Variants in SLC4A4 observed in about 807,000 individuals in gnomAD.
The protein encoded by SLC4A4 is solute carrier family 4 member 4.
SLC4A4 carries 27 observed loss-of-function variants against 111.5 expected under a neutral mutation model. That is an observed-to-expected ratio of 0.24 (90% CI 0.18 to 0.33). The LOEUF is 0.33. Ranked by LOEUF, SLC4A4 falls within the 10% of genes least tolerant of loss-of-function variation. The pLI is 1.00. For synonymous variants in SLC4A4, 443 were observed against 463.4 expected (o/e 0.96, Z 0.57); for missense variants, 909 against 1,315.5 (o/e 0.69, Z 4.78).
At chr4:71,326,360 TA>T in intron 3 of SLC4A4, among the ~76,000 whole-genome samples, 1 of 152,086 alleles carries the variant, frequency 6.6e-6, no homozygotes, top group Middle Eastern at 3.4e-3. Context: ...AGTTTGATCC[TA>T]ACTCTGCTAC....
rs2602061 is a variant in SLC4A4, at chr4:71,306,029, G to T, written c.254-33341G>T. ...ATAGTAGGCACTCAGTAGTGAATTG[G>T]ATACTGATTTGCAAGCTGGACTTGT... On this transcript the variant is annotated intron_variant, in intron 3 of 25. Transcript: ENST00000264485. 1.7e-4 allele frequency among the ~76,000 whole-genome samples: 26 copies of T among 152,306 alleles called. 1 individual carries two copies. The highest frequency in any genetic ancestry group is 4.6e-4 in the African/African-American group (19 of 41,574).
intron 2 of SLC4A4, among the ~76,000 whole-genome samples, chr4:71,097,502 T>C (rs1339322316): frequency 6.6e-6 from 1 of 152,204 alleles, no homozygotes; most frequent in Non-Finnish European, 1.5e-5. Flanking sequence ...TGTGTGTCTT[T>C]ATGGTAGAAT....
At chr4:71,392,684 T>C (rs1023505836) in intron 6 of SLC4A4, among the ~76,000 whole-genome samples, 1 of 152,016 alleles carries the variant, frequency 6.6e-6, no homozygotes, top group Non-Finnish European at 1.5e-5. Context: ...GTCACCCTAA[T>C]ACCCAAACCA....
chr4:71,437,304 A>G, intron 7 of SLC4A4: 1 of 364,994 alleles, frequency 2.7e-6, no homozygotes, highest in Non-Finnish European at 5.4e-6. Flanking sequence ...AGCCACTTCC[A>G]ATAACACGGT....
At chr4:71,511,439 T>A (rs1173599300) in intron 16 of SLC4A4, among the ~76,000 whole-genome samples, 11 of 152,118 alleles carry the variant, frequency 7.2e-5, no homozygotes, top group Non-Finnish European at 1.0e-4. Flanking sequence ...ATTTGTCTTT[T>A]ATTTTTCATT....
intron 3 of SLC4A4, among the ~76,000 whole-genome samples, chr4:71,299,149 G>A (rs1458032159): frequency 6.6e-6 from 1 of 152,142 alleles, no homozygotes; most frequent in Non-Finnish European, 1.5e-5. Context: ...TGCTATCCAT[G>A]AGGCAGAAAA....
chr4:71,317,061 G>GTT (rs1726744321), intron 3 of SLC4A4, among the ~76,000 whole-genome samples: 3 of 109,936 alleles, frequency 2.7e-5, no homozygotes, highest in Non-Finnish European at 5.6e-5. Flanking sequence ...CTGTAACAGG[G>GTT]TTGTGTGTGT....
intron 24 of SLC4A4, among the ~76,000 whole-genome samples, chr4:71,566,199 C>G (rs1024283082): frequency 6.6e-6 from 1 of 151,728 alleles, no homozygotes; most frequent in East Asian, 2.0e-4. Context: ...TTCTGCTAAC[C>G]CCTATTAATG....
intron 1 of SLC4A4, among the ~76,000 whole-genome samples, chr4:71,187,665 C>T (rs1332275146): frequency 1.1e-4 from 17 of 152,194 alleles, no homozygotes; most frequent in Non-Finnish European, 5.9e-5. Flanking sequence ...TTCTCCCTCA[C>T]TGCTAAGTCC....
rs1722460566 is a variant in SLC4A4 at position 71,268,413 on chromosome 4, C to A, written c.253+13014C>A. Among the ~76,000 whole-genome samples, 3 of 152,202 alleles carry A rather than the reference C, an allele frequency of 2.0e-5. No individual in the cohort carries two copies. The South Asian group carries it at 6.2e-4, about 31-fold the overall frequency. On this transcript the variant is annotated intron_variant, in intron 3 of 25. Transcript: ENST00000264485. ...AACCTCAGCCCTGCTTCTGCTCCCT[C>A]AATGTCGTCCATCCAAAATGACTTT...
In SLC4A4 at chr4:71,566,059, T is replaced by C. The variant is rs530267665; in HGVS notation, c.3197-945T>C. 2.0e-5 allele frequency among the ~76,000 whole-genome samples: 3 copies of C among 151,924 alleles called. No individual in the cohort carries two copies. In the East Asian group the frequency reaches 5.9e-4, roughly 30 times the overall value. Reference sequence around the variant, plus strand: ...GGAAGGAATTACACAAAGTCATAAATACCAGGAGACAGGATCACTGAGAGC... The same window carrying C: ...GGAAGGAATTACACAAAGTCATAAACACCAGGAGACAGGATCACTGAGAGC... On this transcript the variant is annotated intron_variant, in intron 24 of 25. Transcript: ENST00000264485.
In SLC4A4 at chr4:71,497,672, A is replaced by C; in HGVS notation, c.2146A>C (p.Ser716Arg). ...SSMALKKFKTSPYFPTTARKL... is the reference protein window; with the variant it reads ...SSMALKKFKTRPYFPTTARKL... The stretch of plus-strand genomic sequence containing the variant: ...CATGGCTCTGAAAAAATTCAAAACT[A>C]GTCCTTATTTTCCAACCACAGTAAG... Residue 716 changes from serine to arginine, a missense_variant, in exon 16 of 26, where the codon AGT becomes CGT. Transcript: ENST00000264485. 1 of 1,613,242 alleles carries C rather than the reference A, an allele frequency of 6.2e-7. No homozygotes were observed. The highest frequency in any genetic ancestry group is 1.1e-5 in the South Asian group (1 of 91,062).
intron 1 of SLC4A4, among the ~76,000 whole-genome samples, chr4:71,189,635 A>C (rs1420128482): frequency 2.0e-5 from 3 of 152,198 alleles, no homozygotes; most frequent in African/African-American, 7.2e-5. Context: ...CAACACTTAA[A>C]GAAATGCACA....
At chr4:71,248,197 T>C (rs1475707514) in intron 2 of SLC4A4, among the ~76,000 whole-genome samples, 1 of 152,094 alleles carries the variant, frequency 6.6e-6, no homozygotes, top group Non-Finnish European at 1.5e-5. Context: ...CACAAGTTAG[T>C]TATTATCAGG....
At chr4:71,180,769 C>A (rs980949539) in intron 2 of SLC4A4, among the ~76,000 whole-genome samples, 2 of 152,168 alleles carry the variant, frequency 1.3e-5, no homozygotes, top group Non-Finnish European at 2.9e-5. Context: ...ACTAATTCAA[C>A]CATTGTGGAA....
At chr4:71,182,836 C>A (rs1745336185), upstream of SLC4A4, among the ~76,000 whole-genome samples, 1 of 152,044 alleles carries the variant, frequency 6.6e-6, no homozygotes, top group Non-Finnish European at 1.5e-5. Flanking sequence ...TAAAACCAGA[C>A]CAATCTTTTA....
intron 15 of SLC4A4, among the ~76,000 whole-genome samples, chr4:71,488,939 C>G (rs1190388388): frequency 7.1e-6 from 1 of 141,266 alleles, no homozygotes; most frequent in African/African-American, 2.8e-5. Flanking sequence ...GTCATGAAGG[C>G]CAACTTTTAT....
intron 7 of SLC4A4, among the ~76,000 whole-genome samples, chr4:71,424,997 A>T (rs189328162): frequency 4.3e-5 from 6 of 138,462 alleles, no homozygotes; most frequent in Admixed American, 7.0e-5. Context: ...TAATAATAAT[A>T]AAAAAAAAGA....
intron 17 of SLC4A4, among the ~76,000 whole-genome samples, chr4:71,532,565 G>T: frequency 6.6e-6 from 1 of 152,008 alleles, no homozygotes; most frequent in African/African-American, 2.4e-5. Flanking sequence ...GAGTGTGGTG[G>T]TGCAATCTCA....
Sources: gnomAD v4.1 joint callset for allele counts (sites outside exome capture counted in the v4.1 genomes callset) on GRCh38, gnomAD v4.1.1 for gene constraint, MANE v1.5 for transcripts, NCBI Gene and HGNC (gene_info 2026-07-23, HGNC 2026-07-21) for gene names.